The following EXOC3L2 variants were observed in gnomAD, a reference collection of about 807,000 sequenced individuals.
The protein encoded by EXOC3L2 is exocyst complex component 3 like 2.
In EXOC3L2, 17 loss-of-function variants were observed where a neutral mutation model predicts 44.4. That is an observed-to-expected ratio of 0.38 (90% confidence interval 0.26 to 0.57). The LOEUF is 0.57. Among genes scored for constraint, EXOC3L2 ranks in the 20% least tolerant of loss-of-function variants. EXOC3L2 has a pLI of 0.65. For missense variants in EXOC3L2, 541 were observed against 588.4 expected (o/e 0.92, Z 0.83); for synonymous variants, 256 against 253.7 (o/e 1.01, Z -0.09).
chr19:45,225,750 G>A (rs1382097863), intron 7 of EXOC3L2, among the ~76,000 whole-genome samples: 2 of 151,080 alleles, frequency 1.3e-5, no homozygotes, highest in Admixed American at 1.3e-4. Flanking sequence ...AGTCTCCCAA[G>A]TAGCTGAGAC....
rs1969785112 is a variant in EXOC3L2, at chr19:45,212,567, CTT to C, written c.*500_*501del. ...CAGGCTTCATGGCCTTGGGAAAATGCTTTGTCTCTTTGGCCTCTGTTTCCCCC... is the reference window on the plus strand; with the variant it reads ...CAGGCTTCATGGCCTTGGGAAAATGCTGTCTCTTTGGCCTCTGTTTCCCCC... On this transcript the variant is annotated 3_prime_UTR_variant, in exon 12 of 12. Transcript: ENST00000413988. The C allele has an allele frequency of 7.0e-6, 1 of 143,106 alleles. No individual in the cohort carries two copies. Among genetic ancestry groups the C allele is most frequent in the Non-Finnish European group, 1.5e-5 (1 of 65,848 alleles). The allele number at this position is 143,106 out of a possible 1,614,324, so 8.9% of individuals were successfully genotyped here.
At chr19:45,240,748 T>C (rs958491924) in intron 1 of EXOC3L2, among the ~76,000 whole-genome samples, 2 of 151,420 alleles carry the variant, frequency 1.3e-5, no homozygotes, top group Admixed American at 1.3e-4. Flanking sequence ...ATAAAAAAAG[T>C]AAAAAATTAG....
chr19:45,214,087 G>A (rs1969808133), intron 11 of EXOC3L2, among the ~76,000 whole-genome samples: 2 of 152,068 alleles, frequency 1.3e-5, no homozygotes, highest in Non-Finnish European at 2.9e-5. Context: ...ACAGATTCAA[G>A]TTCTGACTCA....
chr19:45,237,984 A>C (rs1970098396), intron 2 of EXOC3L2, among the ~76,000 whole-genome samples: 1 of 152,128 alleles, frequency 6.6e-6, no homozygotes, highest in East Asian at 1.9e-4. Flanking sequence ...CCTCTACTAA[A>C]GTACAAAAAT....
intron 7 of EXOC3L2, among the ~76,000 whole-genome samples, chr19:45,225,739 C>T (rs1010190096): frequency 6.6e-6 from 1 of 151,554 alleles, no homozygotes. Flanking sequence ...TCTCCTGCCT[C>T]AGTCTCCCAA....
chr19:45,214,250 C>T (rs1037881688), intron 11 of EXOC3L2, among the ~76,000 whole-genome samples: 17 of 152,156 alleles, frequency 1.1e-4, no homozygotes, highest in African/African-American at 3.6e-4. Context: ...CCAGGACCCC[C>T]ACCCTCAGTG....
At chr19:45,221,211 G>T (rs867591608) in intron 8 of EXOC3L2, among the ~76,000 whole-genome samples, 66 of 114,326 alleles carry the variant, frequency 5.8e-4, no homozygotes, top group South Asian at 3.1e-3. Flanking sequence ...TTTTTTTGTG[G>T]TTTTTTTTTT....
At position 45,212,459 on chromosome 19, in the gene EXOC3L2, C is replaced by T. The variant is rs8102712; in HGVS notation, c.*610G>A. 0.26 allele frequency among the ~76,000 whole-genome samples: 38,913 copies of T among 151,952 alleles called. 6,391 individuals carry two copies. Among genetic ancestry groups the T allele is most frequent in the Middle Eastern group, 0.48 (140 of 294 alleles). ...CAGACCTTGAGGTGAGGGAAAGGGG[C>T]GGGGGAGCTGGGATATTTCTGTAGA... On this transcript the variant is annotated 3_prime_UTR_variant, in exon 12 of 12. Coordinates refer to ENST00000413988, the MANE Select transcript of EXOC3L2 (RefSeq NM_001382422.1).
In EXOC3L2 at chr19:45,234,901, T is replaced by C. The variant is rs2122987077; in HGVS notation, c.524-75A>G. The C allele has an allele frequency of 5.2e-6, 2 of 381,408 alleles. No individual in the cohort carries two copies. The highest frequency in any genetic ancestry group is 7.5e-5 in the East Asian group (2 of 26,776). 23.6% of individuals were successfully genotyped at this position (381,408 alleles called of 1,614,324 possible). A position where few individuals can be genotyped will look rare whatever the true frequency, so the allele number is the denominator to read the frequency against. On this transcript the variant is annotated intron_variant, in intron 2 of 11. Coordinates refer to ENST00000413988, the MANE Select transcript of EXOC3L2 (RefSeq NM_001382422.1). The surrounding 1 kb of genome is among the most constrained non-coding windows in gnomAD (Gnocchi z 5.0). ...ATGCCGGACGCGGGGTTGGGGGTGCTTAGGAAGGGGAGAGAGATGAGGGGA... is the reference window on the plus strand; with the variant it reads ...ATGCCGGACGCGGGGTTGGGGGTGCCTAGGAAGGGGAGAGAGATGAGGGGA...
chr19:45,234,859 C>CG lies in EXOC3L2; in HGVS notation c.524-34dup, dbSNP rs964115855. The CG allele has an allele frequency of 1.3e-3, 487 of 374,598 alleles. 2 individuals carry two copies. The highest frequency in any genetic ancestry group is 1.6e-3 in the Non-Finnish European group (329 of 211,124). The allele number at this position is 374,598 out of a possible 1,614,324, so 23.2% of individuals were successfully genotyped here. ...AGCAAAGCGGGAGGTCAGCAGTGCG[C>CG]GGGGGGGAGGAGGGCGATGCCGGAC... is the stretch of plus-strand genomic sequence containing the variant. On this transcript the variant is annotated intron_variant, in intron 2 of 11. Transcript: ENST00000413988. This position sits in a 1 kb window ranked among gnomAD's most constrained non-coding sequence, Gnocchi z 5.0.
intron 1 of EXOC3L2, among the ~76,000 whole-genome samples, 156 bp downstream of exon 1, chr19:45,245,185 C>T (rs1255523383): frequency 6.6e-6 from 1 of 152,032 alleles, no homozygotes. Flanking sequence ...CAGCACCCCT[C>T]TGGAGTCAGG....
chr19:45,235,084 T>G (rs892729465), intron 2 of EXOC3L2, among the ~76,000 whole-genome samples: 1 of 152,056 alleles, frequency 6.6e-6, no homozygotes, highest in African/African-American at 2.4e-5. Context: ...GCGGATCACT[T>G]GAGGTCAGGA....
chr19:45,234,954 G>A lies in EXOC3L2; in HGVS notation c.524-128C>T, dbSNP rs1970069247. 1 of 377,986 alleles carries A rather than the reference G, an allele frequency of 2.6e-6. No individual in the cohort carries two copies. Among genetic ancestry groups the A allele is most frequent in the Non-Finnish European group, 4.7e-6 (1 of 212,658 alleles). The allele number at this position is 377,986 out of a possible 1,614,324, so 23.4% of individuals were successfully genotyped here. A position where few individuals can be genotyped will look rare whatever the true frequency, so the allele number is the denominator to read the frequency against. The stretch of plus-strand genomic sequence containing the variant: ...AGGGTTACAGGAGGCGGGAAAGTGT[G>A]GGGGCAGAGAAGAGCCCGGAGAAGA... On this transcript the variant is annotated intron_variant, in intron 2 of 11. Transcript: ENST00000413988. The surrounding 1 kb of genome is among the most constrained non-coding windows in gnomAD (Gnocchi z 5.0).
At chr19:45,227,414 C>T (rs1969976563) in intron 7 of EXOC3L2, among the ~76,000 whole-genome samples, 1 of 152,176 alleles carries the variant, frequency 6.6e-6, no homozygotes, top group South Asian at 2.1e-4. Context: ...AGCCACTGTG[C>T]CCAGCCAAAA....
intron 3 of EXOC3L2, 70 bp from the exon 4 acceptor site, chr19:45,231,944 C>A: frequency 2.2e-6 from 2 of 927,358 alleles, no homozygotes; most frequent in Non-Finnish European, 3.2e-6. Context: ...CTTCCCCACA[C>A]CCTCCTACCC....
intron 6 of EXOC3L2, 22 bp downstream of exon 6, chr19:45,227,952 C>A (rs779442395): frequency 2.5e-6 from 4 of 1,610,694 alleles, no homozygotes; most frequent in Non-Finnish European, 2.5e-6. Context: ...CAGAGCTAAC[C>A]TGTGCTCCCA....
intron 8 of EXOC3L2, among the ~76,000 whole-genome samples, chr19:45,223,252 G>A (rs868757129): frequency 2.6e-5 from 4 of 152,124 alleles, no homozygotes; most frequent in East Asian, 3.9e-4. Context: ...GCATGGTGGC[G>A]TGGTGGCAAC....
At chr19:45,218,158 T>TGA in intron 9 of EXOC3L2, 39 bp downstream of exon 9, 1 of 1,034,906 alleles carries the variant, frequency 9.7e-7, no homozygotes, top group Non-Finnish European at 1.3e-6. Context: ...TCCCCTCTTT[T>TGA]CCCCCACCCC....
intron 8 of EXOC3L2, among the ~76,000 whole-genome samples, chr19:45,223,797 GC>G (rs1396386758): frequency 1.3e-5 from 2 of 150,686 alleles, no homozygotes; most frequent in Admixed American, 6.6e-5. Flanking sequence ...TTTGAGACCA[GC>G]CTGGCCAACA....
Sources: allele counts gnomAD v4.1 joint callset (sites outside exome capture counted in the v4.1 genomes callset), GRCh38; gene constraint gnomAD v4.1.1; non-coding constraint Gnocchi (gnomAD v3.1); transcripts MANE v1.5; gene names NCBI Gene and HGNC (gene_info 2026-07-23, HGNC 2026-07-21).